The following TRHDE variants were observed in gnomAD, a reference collection of about 807,000 sequenced individuals.
TRHDE encodes thyrotropin-releasing hormone-degrading ectoenzyme.
Under a neutral mutation model 125.7 loss-of-function variants are expected in TRHDE, and 72 were observed. The ratio of observed to expected loss-of-function variants is 0.57; its 90% CI spans 0.47 to 0.70. TRHDE has a LOEUF of 0.70. Ranked by LOEUF, TRHDE falls within the 30% of genes least tolerant of loss-of-function variation. TRHDE has a pLI of 0.00. For synonymous variants in TRHDE, 509 were observed against 509.1 expected, an observed-to-expected ratio of 1.00 and a Z score of 0.00; for missense variants, 1,110 against 1,327.1, an observed-to-expected ratio of 0.84 and a Z score of 2.54.
intron 6 of TRHDE, among the ~76,000 whole-genome samples, chr12:72,530,726 G>C (rs928379856): frequency 8.0e-5 from 12 of 150,100 alleles, no homozygotes; most frequent in Non-Finnish European, 1.3e-4. Flanking sequence ...TCCTTTCTCT[G>C]CTCCATGTCA....
Position 72,331,296 on chromosome 12 carries a change from G to A in TRHDE, c.1188+44342G>A, listed in dbSNP as rs140234448. ...TAACCACTATCCCATAGCACTTACC[G>A]GTGTCTTGTCTTTTCATATAGCTTG... On this transcript the variant is annotated intron_variant, in intron 2 of 18. Transcript: ENST00000261180. 9.2e-5 allele frequency among the ~76,000 whole-genome samples: 14 copies of A among 152,198 alleles called. No individual in the cohort carries two copies. In the East Asian group the frequency reaches 1.2e-3, roughly 13 times the overall value.
At chr12:72,515,957 TGTGGC>T (rs1878831045) in intron 6 of TRHDE, among the ~76,000 whole-genome samples, 1 of 131,252 alleles carries the variant, frequency 7.6e-6, no homozygotes, top group Admixed American at 7.3e-5. Flanking sequence ...GTTGTAGATA[TGTGGC>T]GCTATTTCTG....
rs1875205685 is a variant in TRHDE at position 72,669,798 on chromosome 12, A to G, written c.*6603A>G. On this transcript the variant is annotated 3_prime_UTR_variant, in exon 19 of 19. Coordinates refer to ENST00000261180, the MANE Select transcript of TRHDE (RefSeq NM_013381.3). The stretch of plus-strand genomic sequence containing the variant: ...CAAAATATTGTGTAACAGCAATTCC[A>G]CATTATCCTTTTGAATGCTACCTAT... The G allele has an allele frequency of 6.6e-6, 1 of 151,822 alleles. No individual in the cohort carries two copies. Among genetic ancestry groups the G allele is most frequent in the Admixed American group, 6.6e-5 (1 of 15,194 alleles). The allele number at this position is 151,822 out of a possible 1,614,324, so 9.4% of individuals were successfully genotyped here.
chr12:72,451,826 G>GTTTGT (rs1026445760), intron 3 of TRHDE, among the ~76,000 whole-genome samples: 2 of 150,634 alleles, frequency 1.3e-5, no homozygotes, highest in African/African-American at 2.4e-5. Flanking sequence ...CTTTCTTTTT[G>GTTTGT]TTTGTTTTGT....
intron 2 of TRHDE, chr12:72,255,799 T>A (rs937355943): frequency 1.3e-5 from 2 of 152,204 alleles, no homozygotes; most frequent in African/African-American, 4.8e-5. Context: ...GGGGGAGAAC[T>A]GGGTGGGTCC....
intron 15 of TRHDE, among the ~76,000 whole-genome samples, chr12:72,628,528 T>C (rs1873353659): frequency 6.6e-6 from 1 of 151,894 alleles, no homozygotes; most frequent in African/African-American, 2.4e-5. Context: ...AATTTTTAAT[T>C]TAATCAGTTT....
intron 3 of TRHDE, among the ~76,000 whole-genome samples, chr12:72,454,162 G>A (rs901499033): frequency 6.6e-6 from 1 of 151,530 alleles, no homozygotes; most frequent in African/African-American, 2.4e-5. Flanking sequence ...AATCAATAGT[G>A]CAAAAATGCT....
chr12:72,553,994 G>C (rs930223086), intron 7 of TRHDE, among the ~76,000 whole-genome samples: 23 of 151,322 alleles, frequency 1.5e-4, no homozygotes, highest in African/African-American at 4.9e-4. Context: ...ATTACAGGTG[G>C]CTGCCACCTC....
At chr12:72,475,659 AC>A (rs1482173261) in intron 5 of TRHDE, among the ~76,000 whole-genome samples, 1 of 152,206 alleles carries the variant, frequency 6.6e-6, no homozygotes, top group Admixed American at 6.5e-5. Context: ...AAATAAGACA[AC>A]TGAGACTTTG....
At chr12:72,213,973 C>T (rs1437288780) in intron 2 of TRHDE, among the ~76,000 whole-genome samples, 1 of 152,024 alleles carries the variant, frequency 6.6e-6, no homozygotes, top group Admixed American at 6.6e-5. Context: ...TGAATGAAAA[C>T]AGCAACAGTC....
intron 5 of TRHDE, among the ~76,000 whole-genome samples, chr12:72,476,743 C>T (rs915781768): frequency 3.3e-5 from 5 of 152,176 alleles, no homozygotes; most frequent in Non-Finnish European, 7.3e-5. Context: ...AATCTACCTT[C>T]CATGGACTAG....
chr12:72,124,993 C>T (rs1048195763), intron 2 of TRHDE, among the ~76,000 whole-genome samples: 1 of 152,082 alleles, frequency 6.6e-6, no homozygotes, highest in Non-Finnish European at 1.5e-5. Context: ...AATGTTGAGT[C>T]ATTATTGTAT....
chr12:72,558,910 G>A (rs943574489), intron 7 of TRHDE, among the ~76,000 whole-genome samples: 4 of 152,070 alleles, frequency 2.6e-5, no homozygotes, highest in Non-Finnish European at 5.9e-5. Context: ...TTATCTATGT[G>A]GCTTGGATAT....
At chr12:72,224,182 C>G (rs148603323) in intron 2 of TRHDE, among the ~76,000 whole-genome samples, 3,146 of 141,410 alleles carry the variant, frequency 0.022, 73 homozygotes, top group African/African-American at 0.053. Context: ...ATCTATCTAT[C>G]TATCTATCTA....
chr12:72,388,486 T>A (rs1485005009), intron 3 of TRHDE, among the ~76,000 whole-genome samples: 1 of 152,242 alleles, frequency 6.6e-6, no homozygotes, highest in African/African-American at 2.4e-5. Context: ...AAAGTGGCAC[T>A]CAATAAATTC....
intron 2 of TRHDE, among the ~76,000 whole-genome samples, chr12:72,209,772 A>G (rs1592484655): frequency 6.6e-6 from 1 of 152,320 alleles, no homozygotes; most frequent in East Asian, 1.9e-4. Context: ...TCTATTCCAG[A>G]ACTAACTTAC....
At chr12:72,467,590 G>A (rs1187190938) in intron 3 of TRHDE, among the ~76,000 whole-genome samples, 6 of 152,190 alleles carry the variant, frequency 3.9e-5, no homozygotes, top group African/African-American at 4.8e-5. Context: ...GCCGAGGTGG[G>A]TGGATCACGA....
At chr12:72,135,322 C>T (rs1021322953) in intron 2 of TRHDE, among the ~76,000 whole-genome samples, 6 of 152,088 alleles carry the variant, frequency 3.9e-5, no homozygotes, top group East Asian at 1.9e-4. Flanking sequence ...AGTACATTTC[C>T]GTTCATTACC....
chr12:72,385,275 G>T (rs963345738), intron 3 of TRHDE, among the ~76,000 whole-genome samples: 1 of 151,554 alleles, frequency 6.6e-6, no homozygotes, highest in Non-Finnish European at 1.5e-5. Flanking sequence ...GCTATTGTAT[G>T]GTTTCTTGGT....
Sources: gnomAD v4.1 joint callset for allele counts (sites outside exome capture counted in the v4.1 genomes callset) on GRCh38, gnomAD v4.1.1 for gene constraint, MANE v1.5 for transcripts, NCBI Gene and HGNC (gene_info 2026-07-23, HGNC 2026-07-21) for gene names.